The following SLC2A9 variants were observed in gnomAD, a reference collection of about 807,000 sequenced individuals.
SLC2A9 encodes solute carrier family 2, facilitated glucose transporter member 9.
SLC2A9 carries 39 observed loss-of-function variants against 50.6 expected under a neutral mutation model. The ratio of observed to expected loss-of-function variants is 0.77; its 90% CI spans 0.60 to 1.01. The LOEUF (loss-of-function observed/expected upper bound fraction) is 1.01, where lower values mean the gene tolerates loss of function less well. Among genes scored for constraint, SLC2A9 ranks in the 50% least tolerant of loss-of-function variants. The probability of loss-of-function intolerance (pLI) is 0.00; values close to 1 mark genes in which losing one functional copy is unlikely to be tolerated. For synonymous variants in SLC2A9, 324 were observed against 276.9 expected (o/e 1.17, Z -1.69); for missense variants, 686 against 677.6 (o/e 1.01, Z -0.14).
At chr4:9,803,103 C>A (rs749885742) in intron 3 of SLC2A9, among the ~76,000 whole-genome samples, 4 of 152,222 alleles carry the variant, frequency 2.6e-5, no homozygotes, top group Non-Finnish European at 5.9e-5. Context: ...GACTTTGGCA[C>A]TATCTTGCTA....
At chr4:9,804,010 T>A (rs959313432) in intron 3 of SLC2A9, among the ~76,000 whole-genome samples, 1 of 152,338 alleles carries the variant, frequency 6.6e-6, no homozygotes, top group Non-Finnish European at 1.5e-5. Context: ...AATCAAGCAC[T>A]TTTTAATTTA....
chr4:9,830,983 G>A (rs570197528), intron 11 of SLC2A9, among the ~76,000 whole-genome samples: 16 of 152,310 alleles, frequency 1.1e-4, no homozygotes, highest in African/African-American at 3.9e-4. Context: ...ACCCATGCTT[G>A]AGGAGCATGC....
chr4:9,860,715 G>C (rs899389396), intron 10 of SLC2A9, among the ~76,000 whole-genome samples: 7 of 152,196 alleles, frequency 4.6e-5, no homozygotes, highest in African/African-American at 1.4e-4. Flanking sequence ...TTTTGACAGA[G>C]AGTCCAGTTT....
chr4:9,816,040 C>T (rs529740356), intron 3 of SLC2A9, among the ~76,000 whole-genome samples: 2 of 152,116 alleles, frequency 1.3e-5, no homozygotes, highest in South Asian at 2.1e-4. Flanking sequence ...CATGGTGGCA[C>T]ACGCCTGTAA....
chr4:9,874,943 G>C (rs558496334), intron 10 of SLC2A9, among the ~76,000 whole-genome samples: 6,909 of 120,544 alleles, frequency 0.057, 27 homozygotes, highest in African/African-American at 0.076. Context: ...CCATAGGTTA[G>C]CGTCTGTCTA....
chr4:9,997,064 T>C (rs1758808733), intron 2 of SLC2A9, 123 bp from the exon 3 acceptor site: 1 of 1,149,012 alleles, frequency 8.7e-7, no homozygotes, highest in Non-Finnish European at 1.3e-6. Context: ...TGCTAATTTG[T>C]TTGAGCTTTA....
chr4:9,869,251 C>T (rs553829448), intron 10 of SLC2A9, among the ~76,000 whole-genome samples: 111 of 152,298 alleles, frequency 7.3e-4, no homozygotes, highest in Admixed American at 1.5e-3. Context: ...CATCAACCTC[C>T]GTCTCCACCC....
intron 8 of SLC2A9, among the ~76,000 whole-genome samples, chr4:9,900,993 A>G (rs1158518770): frequency 6.6e-6 from 1 of 152,210 alleles, no homozygotes; most frequent in East Asian, 1.9e-4. Context: ...GCCAAACCAT[A>G]TCAACGAGAG....
At chr4:9,783,763 T>C in intron 3 of SLC2A9, 1 of 293,084 alleles carries the variant, frequency 3.4e-6, no homozygotes, top group Non-Finnish European at 6.7e-6. Context: ...CCTTAAAAAA[T>C]ATGCTCTCCC....
chr4:9,935,271 C>A (rs1052899721), intron 6 of SLC2A9, among the ~76,000 whole-genome samples: 2 of 152,212 alleles, frequency 1.3e-5, no homozygotes, highest in African/African-American at 4.8e-5. Flanking sequence ...TACATTCCCA[C>A]CAACAGTGTA....
At chr4:9,874,356 C>A (rs1189183096) in intron 10 of SLC2A9, among the ~76,000 whole-genome samples, 1 of 152,204 alleles carries the variant, frequency 6.6e-6, no homozygotes, top group Non-Finnish European at 1.5e-5. Context: ...CAGGGGAGTT[C>A]TCCAGATGCC....
At chr4:10,018,904 C>G (rs531632042) in intron 2 of SLC2A9, 71 bp downstream of exon 2, 1 of 1,455,672 alleles carries the variant, frequency 6.9e-7, no homozygotes, top group Non-Finnish European at 9.4e-7. Flanking sequence ...CGCTGGAGCC[C>G]AGGGCCCTTG....
chr4:9,878,232 T>A (rs1353038292), intron 10 of SLC2A9, among the ~76,000 whole-genome samples: 1 of 152,158 alleles, frequency 6.6e-6, no homozygotes, highest in African/African-American at 2.4e-5. Flanking sequence ...CCTTGGGATT[T>A]CTGGAGTAAC....
At chr4:9,816,165 G>A (rs940395899) in intron 3 of SLC2A9, among the ~76,000 whole-genome samples, 10 of 140,548 alleles carry the variant, frequency 7.1e-5, no homozygotes, top group African/African-American at 2.7e-4. Flanking sequence ...GCAAGACCCT[G>A]TCTCAAAACA....
Position 9,893,631 on chromosome 4 carries a change from T to A in SLC2A9, c.1114-2920A>T, listed in dbSNP as rs557606357. ...CACAGAGAAACCTGCATTTAAAGCA[T>A]CCCTTCCTCTTAGGCCCTCATGAGC... On this transcript the variant is annotated intron_variant, in intron 8 of 11. Coordinates refer to ENST00000264784, the MANE Select transcript of SLC2A9 (RefSeq NM_020041.3). Among the ~76,000 whole-genome samples, 4 of 152,062 alleles carry A rather than the reference T, an allele frequency of 2.6e-5. No individual in the cohort carries two copies. In the East Asian group the frequency reaches 7.7e-4, roughly 29 times the overall value.
downstream of SLC2A9, among the ~76,000 whole-genome samples, chr4:9,776,045 C>A (rs1454040414): frequency 6.6e-6 from 1 of 152,104 alleles, no homozygotes; most frequent in Non-Finnish European, 1.5e-5. Flanking sequence ...CGCTCCCTAG[C>A]CTCCACTTGA....
chr4:9,777,886 C>G (rs1717773583), downstream of SLC2A9, among the ~76,000 whole-genome samples: 1 of 152,190 alleles, frequency 6.6e-6, no homozygotes, highest in African/African-American at 2.4e-5. Context: ...ACTGATTGAG[C>G]TGGCTTTGCA....
chr4:9,983,752 G>T (rs7679724), intron 4 of SLC2A9, among the ~76,000 whole-genome samples: 98,504 of 152,082 alleles, frequency 0.65, 32,823 homozygotes, highest in Non-Finnish European at 0.74. Context: ...TAAGAGACAG[G>T]GTTTCGCTCT....
chr4:9,798,278 C>T (rs1374049050), downstream of SLC2A9, among the ~76,000 whole-genome samples: 1 of 152,176 alleles, frequency 6.6e-6, no homozygotes, highest in African/African-American at 2.4e-5. Context: ...CATCAACTGG[C>T]TCCAATCATT....
Sources: gnomAD v4.1 joint callset for allele counts (sites outside exome capture counted in the v4.1 genomes callset) on GRCh38, gnomAD v4.1.1 for gene constraint, MANE v1.5 for transcripts, NCBI Gene and HGNC (gene_info 2026-07-23, HGNC 2026-07-21) for gene names.